Variants in SLC25A36 observed in about 807,000 individuals in gnomAD.
SLC25A36 encodes epididymis secretory sperm binding protein.
SLC25A36 carries 24 observed loss-of-function variants against 35.3 expected under a neutral mutation model. That is an observed-to-expected ratio of 0.68 (90% confidence interval 0.49 to 0.96). The LOEUF is 0.96. Ranked by LOEUF, SLC25A36 falls within the 40% of genes least tolerant of loss-of-function variation. SLC25A36 has a pLI of 0.00. For synonymous variants in SLC25A36, 141 were observed against 132.2 expected (o/e 1.07, Z -0.46); for missense variants, 294 against 381.1 (o/e 0.77, Z 1.90).
At chr3:140,968,599 T>A (rs977428144) in intron 4 of SLC25A36, 12 of 933,288 alleles carry the variant, frequency 1.3e-5, no homozygotes, top group Middle Eastern at 5.5e-4. Context: ...AATTTATGGG[T>A]CTTTAAAAGG....
intron 6 of SLC25A36, among the ~76,000 whole-genome samples, chr3:140,975,976 T>TTA (rs1299199138): frequency 1.3e-5 from 2 of 152,190 alleles, no homozygotes; most frequent in East Asian, 3.8e-4. Flanking sequence ...TTTCTATTCT[T>TTA]CCTTTTATCT....
At chr3:140,972,692 ATC>A (rs1934937172) in intron 5 of SLC25A36, 1 of 152,102 alleles carries the variant, frequency 6.6e-6, no homozygotes, top group Non-Finnish European at 1.5e-5. Flanking sequence ...CAGGATTTGT[ATC>A]TCTTTTAACT....
intron 4 of SLC25A36, chr3:140,964,176 T>A (rs1200555784): frequency 6.6e-6 from 1 of 151,956 alleles, no homozygotes; most frequent in African/African-American, 2.4e-5. Context: ...AGAAATAAAG[T>A]GAATCAATTT....
At chr3:140,973,480 G>C (rs755933098) in intron 5 of SLC25A36, among the ~76,000 whole-genome samples, 1 of 152,072 alleles carries the variant, frequency 6.6e-6, no homozygotes, top group East Asian at 1.9e-4. Flanking sequence ...ACATGAGACC[G>C]AAGATTCAGT....
chr3:140,961,659 T>C (rs1229995060), intron 3 of SLC25A36, among the ~76,000 whole-genome samples: 1 of 151,522 alleles, frequency 6.6e-6, no homozygotes, highest in Non-Finnish European at 1.5e-5. Context: ...ATCGAGACCA[T>C]CCTGGCTAAC....
chr3:140,976,804 T>C lies in SLC25A36; in HGVS notation c.*351T>C, dbSNP rs986865363. ...AATTTTACATACTGTATTGTAACTA[T>C]CCAAAGATAGTATTGGCAGTCATAA... On this transcript the variant is annotated 3_prime_UTR_variant, in exon 7 of 7. Transcript: ENST00000324194. The C allele has an allele frequency of 3.0e-5, 5 of 166,104 alleles. No individual in the cohort carries two copies. The highest frequency in any genetic ancestry group is 6.5e-5 in the Non-Finnish European group (5 of 77,424). 10.3% of individuals were successfully genotyped at this position (166,104 alleles called of 1,614,324 possible).
intron 1 of SLC25A36, among the ~76,000 whole-genome samples, chr3:140,953,165 C>T (rs1934374456): frequency 6.6e-6 from 1 of 150,622 alleles, no homozygotes; most frequent in African/African-American, 2.5e-5. Context: ...ACTTAGCTCT[C>T]AACTCTTATC....
At chr3:140,949,414 G>A (rs1934257431) in intron 1 of SLC25A36, among the ~76,000 whole-genome samples, 1 of 152,042 alleles carries the variant, frequency 6.6e-6, no homozygotes, top group South Asian at 2.1e-4. Context: ...AGTTTTAAAT[G>A]TCTTATAAAA....
intron 2 of SLC25A36, among the ~76,000 whole-genome samples, chr3:140,957,542 G>T (rs1934508955): frequency 6.6e-6 from 1 of 152,144 alleles, no homozygotes; most frequent in Non-Finnish European, 1.5e-5. Flanking sequence ...AGGAGTTCGA[G>T]ACCAGCCTGG....
intron 1 of SLC25A36, among the ~76,000 whole-genome samples, chr3:140,952,883 T>C (rs1559811289): frequency 6.6e-6 from 1 of 152,214 alleles, no homozygotes; most frequent in African/African-American, 2.4e-5. Context: ...AAGAATACTC[T>C]TTCTTAGGTT....
intron 5 of SLC25A36, among the ~76,000 whole-genome samples, chr3:140,971,517 C>G (rs191172617): frequency 5.3e-5 from 8 of 152,256 alleles, no homozygotes; most frequent in Admixed American, 4.6e-4. Context: ...GCAGATACTG[C>G]TACGTCTTAG....
At chr3:140,952,759 G>T (rs1337591765) in intron 1 of SLC25A36, among the ~76,000 whole-genome samples, 1 of 152,168 alleles carries the variant, frequency 6.6e-6, no homozygotes, top group Non-Finnish European at 1.5e-5. Context: ...AACCAGGAAT[G>T]ACTGGGTAGG....
At chr3:140,966,833 A>C in intron 4 of SLC25A36, 1 of 420,036 alleles carries the variant, frequency 2.4e-6, no homozygotes, top group Non-Finnish European at 4.9e-6. Flanking sequence ...TCTCACAGTA[A>C]ATATTTCTCA....
At chr3:140,950,918 CTGTG>C (rs373375551) in intron 1 of SLC25A36, among the ~76,000 whole-genome samples, 150 of 136,452 alleles carry the variant, frequency 1.1e-3, no homozygotes, top group Admixed American at 5.2e-3. Flanking sequence ...GTCTGTGTGT[CTGTG>C]TGTGTGTGTG....
chr3:140,953,387 G>A lies in SLC25A36; in HGVS notation c.42-3140G>A, dbSNP rs1487322070. Reference sequence around the variant, plus strand: ...AATCTGACCGTATAATTGTGGTTTCGACATTTTTTGGGGGGGGGGTTAAAT... The same window carrying A: ...AATCTGACCGTATAATTGTGGTTTCAACATTTTTTGGGGGGGGGGTTAAAT... On this transcript the variant is annotated intron_variant, in intron 1 of 6. Coordinates refer to ENST00000324194, the MANE Select transcript of SLC25A36 (RefSeq NM_001104647.3). 3.5e-5 allele frequency among the ~76,000 whole-genome samples: 5 copies of A among 141,464 alleles called. No homozygotes were observed. In the East Asian group the frequency reaches 7.2e-4, roughly 20 times the overall value. 92.8% of individuals were successfully genotyped at this position (141,464 alleles called of 152,430 possible).
At chr3:140,959,167 C>T (rs1934566136) in intron 2 of SLC25A36, among the ~76,000 whole-genome samples, 1 of 151,798 alleles carries the variant, frequency 6.6e-6, no homozygotes, top group Non-Finnish European at 1.5e-5. Context: ...AGGCATGCAC[C>T]ACCATGCCCA....
rs945345152 is a variant in SLC25A36, at chr3:140,978,514, T to G, written c.*2061T>G. On this transcript the variant is annotated 3_prime_UTR_variant, in exon 7 of 7. Coordinates refer to ENST00000324194, the MANE Select transcript of SLC25A36 (RefSeq NM_001104647.3). ...GTACCCCACAAATGATTAAGAATGA[T>G]ATGAAAACCAGCAGCTAAGGAACAT... The G allele has an allele frequency of 6.6e-6, 1 of 152,208 alleles. No individual in the cohort carries two copies. The highest frequency in any genetic ancestry group is 2.1e-4 in the South Asian group (1 of 4,828). 9.4% of individuals were successfully genotyped at this position (152,208 alleles called of 1,614,324 possible). A position where few individuals can be genotyped will look rare whatever the true frequency, so the allele number is the denominator to read the frequency against.
chr3:140,943,755 T>C (rs1357028560), intron 1 of SLC25A36, among the ~76,000 whole-genome samples: 4 of 152,260 alleles, frequency 2.6e-5, no homozygotes, highest in Admixed American at 2.6e-4. Context: ...TATTCTGCGT[T>C]CAGGATTCAT....
chr3:140,961,729 G>A (rs902932809), intron 3 of SLC25A36, among the ~76,000 whole-genome samples: 7 of 151,472 alleles, frequency 4.6e-5, no homozygotes, highest in African/African-American at 1.2e-4. Flanking sequence ...GGTGGCGGTC[G>A]CCTGTAGTCC....
Sources: allele counts gnomAD v4.1 joint callset (sites outside exome capture counted in the v4.1 genomes callset), GRCh38; gene constraint gnomAD v4.1.1; transcripts MANE v1.5; gene names NCBI Gene and HGNC (gene_info 2026-07-23, HGNC 2026-07-21).